Variants in PTPRT observed in about 807,000 individuals in gnomAD.
PTPRT encodes receptor-type tyrosine-protein phosphatase T.
A neutral mutation model predicts 176.8 loss-of-function variants in PTPRT; 56 were observed. That is an observed-to-expected ratio of 0.32 (90% CI 0.26 to 0.40). PTPRT has a LOEUF of 0.40. Among genes scored for constraint, PTPRT ranks in the 10% least tolerant of loss-of-function variants. PTPRT has a pLI of 1.00. For missense variants in PTPRT, 1,540 were observed against 1,908.2 expected (o/e 0.81, Z 3.60); for synonymous variants, 783 against 739.0 (o/e 1.06, Z -0.96).
chr20:42,141,193 G>C (rs540930554), intron 18 of PTPRT, among the ~76,000 whole-genome samples: 1 of 152,292 alleles, frequency 6.6e-6, no homozygotes, highest in South Asian at 2.1e-4. Context: ...GCAGACCTGA[G>C]GGCAGGCCCT....
intron 1 of PTPRT, among the ~76,000 whole-genome samples, chr20:42,928,274 A>G (rs751621322): frequency 5.3e-5 from 8 of 152,238 alleles, no homozygotes; most frequent in Non-Finnish European, 8.8e-5. Flanking sequence ...TCCTGATGAC[A>G]ATCTGAATCA....
rs201823749 is a variant in PTPRT at position 42,645,762 on chromosome 20, TTA to T, written c.1153+32102_1153+32103del. Among the ~76,000 whole-genome samples, 493 of 127,924 alleles carry T rather than the reference TTA, an allele frequency of 3.9e-3. 7 individuals carry two copies. Among genetic ancestry groups the T allele is most frequent in the African/African-American group, 0.014 (445 of 31,778 alleles). 83.9% of individuals were successfully genotyped at this position (127,924 alleles called of 152,430 possible). On this transcript the variant is annotated intron_variant, in intron 7 of 30. Transcript: ENST00000373187. The stretch of plus-strand genomic sequence containing the variant: ...TGTATGTTTCAGATGGGATGTGTAT[TTA>T]TGTGTGTGTGTGTGTGTGTGTGTGT...
intron 1 of PTPRT, among the ~76,000 whole-genome samples, chr20:43,098,546 T>C (rs1050506982): frequency 6.7e-6 from 1 of 148,368 alleles, no homozygotes. Flanking sequence ...CTCTTTTTTT[T>C]CTTTTTTTTT....
At chr20:42,035,633 C>T in the PTPRT span, among the ~76,000 whole-genome samples, 1 of 152,130 alleles carries the variant, frequency 6.6e-6, no homozygotes, top group Admixed American at 6.5e-5. Context: ...CTTGCTGCAG[C>T]ACTGAGCACA....
At chr20:42,063,027 T>C in the PTPRT span, among the ~76,000 whole-genome samples, 36 of 152,300 alleles carry the variant, frequency 2.4e-4, no homozygotes, top group East Asian at 7.0e-3. Flanking sequence ...AGCCATGATG[T>C]ATTGGATTAA....
rs183756625 is a variant in PTPRT, at chr20:43,059,168, G to A, written c.88+130478C>T. Among the ~76,000 whole-genome samples the A allele has an allele frequency of 4.7e-4, 71 of 152,310 alleles. No homozygotes were observed. The East Asian group carries it at 0.01, about 22-fold the overall frequency. On this transcript the variant is annotated intron_variant, in intron 1 of 30. Coordinates refer to ENST00000373187, the MANE Select transcript of PTPRT (RefSeq NM_007050.6). ...TCTTGGAGAATAGCTCCTGGCTTCC[G>A]TTAAGACTGCTGATTCATACTAATC...
chr20:42,239,643 C>T (rs1448551186), intron 14 of PTPRT, among the ~76,000 whole-genome samples: 5 of 151,838 alleles, frequency 3.3e-5, no homozygotes, highest in African/African-American at 7.3e-5. Flanking sequence ...AGGATGGTCT[C>T]GATCTCCTGA....
At chr20:42,374,120 C>T (rs976431) in intron 9 of PTPRT, among the ~76,000 whole-genome samples, 42,478 of 152,032 alleles carry the variant, frequency 0.28, 6,305 homozygotes, top group East Asian at 0.58. Context: ...TGTGTTTCAG[C>T]GTCTGCCAGC....
At chr20:42,745,835 G>A (rs189296654) in intron 6 of PTPRT, among the ~76,000 whole-genome samples, 2 of 152,330 alleles carry the variant, frequency 1.3e-5, no homozygotes, top group African/African-American at 4.8e-5. Flanking sequence ...TGACTCTGAT[G>A]AGACTGGGTA....
chr20:42,504,333 G>GT (rs2145427700), intron 7 of PTPRT, among the ~76,000 whole-genome samples: 1 of 151,834 alleles, frequency 6.6e-6, no homozygotes, highest in Admixed American at 6.6e-5. Flanking sequence ...ATAAATGAAT[G>GT]TTAAAAAAAA....
chr20:42,114,815 C>T (rs1987188338), intron 22 of PTPRT, among the ~76,000 whole-genome samples: 1 of 152,130 alleles, frequency 6.6e-6, no homozygotes, highest in African/African-American at 2.4e-5. Context: ...TTTCCTTCTG[C>T]CTGGGATAGC....
chr20:42,234,368 T>C (rs1011497285), intron 15 of PTPRT, among the ~76,000 whole-genome samples: 1 of 152,222 alleles, frequency 6.6e-6, no homozygotes, highest in Non-Finnish European at 1.5e-5. Context: ...CAGTGCACGA[T>C]AGAGGCGGGA....
At chr20:42,171,190 T>C (rs896904153) in intron 16 of PTPRT, among the ~76,000 whole-genome samples, 1 of 152,066 alleles carries the variant, frequency 6.6e-6, no homozygotes, top group Admixed American at 6.5e-5. Context: ...TTCCAGAGGG[T>C]TGGGTAGCTG....
chr20:42,823,694 G>A (rs2077941935), intron 2 of PTPRT, among the ~76,000 whole-genome samples: 1 of 151,840 alleles, frequency 6.6e-6, no homozygotes, highest in African/African-American at 2.4e-5. Flanking sequence ...ATTAAATTCA[G>A]GAATGAAACA....
At chr20:42,855,000 C>G (rs1293610328) in intron 2 of PTPRT, among the ~76,000 whole-genome samples, 1 of 152,178 alleles carries the variant, frequency 6.6e-6, no homozygotes, top group Non-Finnish European at 1.5e-5. Flanking sequence ...CATTTGGGAG[C>G]AGGGAACTAG....
At chr20:42,983,972 G>C (rs962103910) in intron 1 of PTPRT, among the ~76,000 whole-genome samples, 1 of 152,178 alleles carries the variant, frequency 6.6e-6, no homozygotes, top group Non-Finnish European at 1.5e-5. Context: ...CCCCAGCCTG[G>C]AGCTGACTGG....
In PTPRT at chr20:42,074,968, G is replaced by A. The variant is rs531058226; in HGVS notation, c.*5911C>T. ...GATCAGATCCATGATCCTGAAAAATGTGTCAGAAGAAACTGGAGCTAGAAC... is the reference window on the plus strand; with the variant it reads ...GATCAGATCCATGATCCTGAAAAATATGTCAGAAGAAACTGGAGCTAGAAC... On this transcript the variant is annotated 3_prime_UTR_variant, in exon 31 of 31. Coordinates refer to ENST00000373187, the MANE Select transcript of PTPRT (RefSeq NM_007050.6). 4 of 396,288 alleles carry A rather than the reference G, an allele frequency of 1.0e-5. No individual in the cohort carries two copies. Among genetic ancestry groups the A allele is most frequent in the East Asian group, 3.6e-5 (1 of 28,016 alleles). The allele number at this position is 396,288 out of a possible 1,614,324, so 24.5% of individuals were successfully genotyped here. A position where few individuals can be genotyped will look rare whatever the true frequency, so the allele number is the denominator to read the frequency against.
intron 1 of PTPRT, among the ~76,000 whole-genome samples, chr20:42,936,124 G>C (rs1369220320): frequency 6.6e-6 from 1 of 152,198 alleles, no homozygotes; most frequent in Non-Finnish European, 1.5e-5. Context: ...CTAATGGAAG[G>C]AGAAAGACCG....
intron 7 of PTPRT, among the ~76,000 whole-genome samples, chr20:42,549,128 C>T (rs1349506332): frequency 1.3e-5 from 2 of 152,214 alleles, no homozygotes; most frequent in Admixed American, 1.3e-4. Context: ...ACAGGGCCCT[C>T]TGGGTGAAAG....
Sources: allele counts gnomAD v4.1 joint callset (sites outside exome capture counted in the v4.1 genomes callset), GRCh38; gene constraint gnomAD v4.1.1; transcripts MANE v1.5; gene names NCBI Gene and HGNC (gene_info 2026-07-23, HGNC 2026-07-21).